The following RIN3 variants were observed in gnomAD, a reference collection of about 807,000 sequenced individuals.
The protein encoded by RIN3 is Ras and Rab interactor 3, also known as RAB5 interacting protein 3.
RIN3 carries 54 observed loss-of-function variants against 76.3 expected under a neutral mutation model. The observed-to-expected ratio is 0.71, with a 90% CI of 0.57 to 0.89. The LOEUF (loss-of-function observed/expected upper bound fraction) is 0.89, where lower values mean the gene tolerates loss of function less well. Among genes scored for constraint, RIN3 ranks in the 40% least tolerant of loss-of-function variants. The probability of loss-of-function intolerance (pLI) is 0.00; values close to 1 mark genes in which losing one functional copy is unlikely to be tolerated. For missense variants in RIN3, 1,256 were observed against 1,322.1 expected (o/e 0.95, Z 0.78); for synonymous variants, 576 against 564.0 (o/e 1.02, Z -0.30).
chr14:92,547,027 A>ATTATT lies in RIN3; in HGVS notation c.45-8708_45-8704dup, dbSNP rs928771312. On this transcript the variant is annotated intron_variant, in intron 1 of 9. Coordinates refer to ENST00000216487, the MANE Select transcript of RIN3 (RefSeq NM_024832.5). ...ATTTTATTTTATTATTAATATAATT[A>ATTATT]TTATTTTATTTTATTTTATTATAAT... is the stretch of plus-strand genomic sequence containing the variant. 1.6e-4 allele frequency among the ~76,000 whole-genome samples: 23 copies of ATTATT among 141,246 alleles called. 6 individuals are homozygous for ATTATT. Among genetic ancestry groups the ATTATT allele is most frequent in the Middle Eastern group, 3.9e-3 (1 of 256 alleles). The allele number at this position is 141,246 out of a possible 152,430, so 92.7% of individuals were successfully genotyped here. A position where few individuals can be genotyped will look rare whatever the true frequency, so the allele number is the denominator to read the frequency against.
chr14:92,642,451 G>A lies in RIN3; in HGVS notation c.532+1122G>A, dbSNP rs570046809. Among the ~76,000 whole-genome samples the A allele has an allele frequency of 1.1e-4, 17 of 152,178 alleles. 1 individual carries two copies. The highest frequency in any genetic ancestry group is 6.8e-3 in the Middle Eastern group (2 of 294). On this transcript the variant is annotated intron_variant, in intron 5 of 9. Transcript: ENST00000216487. ...TGTTTCACGCAGCTGCTCAGGAGCC[G>A]TTGTAGGCCCCAGAGCCTCATAACC... is the stretch of plus-strand genomic sequence containing the variant.
chr14:92,586,970 A>G (rs1174295391), intron 3 of RIN3, among the ~76,000 whole-genome samples: 1 of 152,230 alleles, frequency 6.6e-6, no homozygotes, highest in African/African-American at 2.4e-5. Flanking sequence ...ATCAGGGCTC[A>G]GAGGCAGGAA....
intron 2 of RIN3, 90 bp from the exon 3 acceptor site, chr14:92,577,270 C>A: frequency 1.2e-6 from 1 of 816,484 alleles, no homozygotes; most frequent in South Asian, 1.5e-5. Context: ...ATTTCAGGAA[C>A]CTTCCAGATG....
At chr14:92,597,451 G>A (rs1447592284) in intron 3 of RIN3, among the ~76,000 whole-genome samples, 1 of 152,190 alleles carries the variant, frequency 6.6e-6, no homozygotes, top group East Asian at 1.9e-4. Flanking sequence ...TTTCTTTGAG[G>A]AACGCCAGTG....
chr14:92,547,096 TA>T (rs1897290098), intron 1 of RIN3, among the ~76,000 whole-genome samples: 1 of 94,848 alleles, frequency 1.1e-5, no homozygotes, highest in Non-Finnish European at 2.3e-5. Context: ...TATTATATTA[TA>T]ATTAAATAAA....
chr14:92,610,877 C>T (rs1232080052), intron 3 of RIN3, among the ~76,000 whole-genome samples: 2 of 152,170 alleles, frequency 1.3e-5, no homozygotes, highest in Non-Finnish European at 2.9e-5. Context: ...CACCACATTG[C>T]CTTGCATGTG....
rs1180650119 is a variant in RIN3 at position 92,651,907 on chromosome 14, G to A, written c.858G>A (p.Val286=). 11 of 1,439,610 alleles carry A rather than the reference G, an allele frequency of 7.6e-6. No homozygotes were observed. In the East Asian group the frequency reaches 3.0e-4, roughly 40 times the overall value. The allele number at this position is 1,439,610 out of a possible 1,614,324, so 89.2% of individuals were successfully genotyped here. A position where few individuals can be genotyped will look rare whatever the true frequency, so the allele number is the denominator to read the frequency against. The change falls in exon 6 of 10, where the codon GTG becomes GTA. Residue 286 remains valine, a synonymous_variant. Transcript: ENST00000216487. Reference sequence around the variant, plus strand: ...GCCGCCCACCACCCCCTCCCCCAGTGCTGCCCCTGCAGCCCTGCAGCCCAG... The same window carrying A: ...GCCGCCCACCACCCCCTCCCCCAGTACTGCCCCTGCAGCCCTGCAGCCCAG... ...APRRPPPPPP[V]LPLQPCSPAQ...
chr14:92,688,170 T>G lies in RIN3; in HGVS notation c.2876T>G (p.Val959Gly). Residue 959 changes from valine to glycine, a missense_variant, in exon 10 of 10, where the codon GTC (valine) becomes GGC (glycine). Coordinates refer to ENST00000216487, the MANE Select transcript of RIN3 (RefSeq NM_024832.5). ...RSEPKRDFHF[V>G]YRPLDGGGGG... ...GAGCCCAAGCGCGACTTCCACTTTGTCTACCGGCCCCTGGACGGTGGTGGC... is the reference window on the plus strand; with the variant it reads ...GAGCCCAAGCGCGACTTCCACTTTGGCTACCGGCCCCTGGACGGTGGTGGC... The G allele has an allele frequency of 6.2e-7, 1 of 1,606,472 alleles. No individual in the cohort carries two copies. The highest frequency in any genetic ancestry group is 8.5e-7 in the Non-Finnish European group (1 of 1,178,090).
At chr14:92,597,548 C>G (rs899317199) in intron 3 of RIN3, among the ~76,000 whole-genome samples, 1 of 152,176 alleles carries the variant, frequency 6.6e-6, no homozygotes, top group Non-Finnish European at 1.5e-5. Flanking sequence ...TGAACTTGGG[C>G]AAATTCCTGA....
intron 1 of RIN3, among the ~76,000 whole-genome samples, chr14:92,522,009 G>T (rs202013471): frequency 8.8e-6 from 1 of 113,118 alleles, no homozygotes; most frequent in Non-Finnish European, 1.8e-5. Flanking sequence ...CAAGTTGTGT[G>T]TGGGAGCCCT....
At chr14:92,516,343 G>A (rs1285155120) in intron 1 of RIN3, among the ~76,000 whole-genome samples, 3 of 152,154 alleles carry the variant, frequency 2.0e-5, no homozygotes, top group Non-Finnish European at 2.9e-5. Flanking sequence ...GGTCCTGCTG[G>A]AGCCCTGAAG....
At chr14:92,645,758 G>A (rs939214571) in intron 5 of RIN3, among the ~76,000 whole-genome samples, 3 of 152,054 alleles carry the variant, frequency 2.0e-5, no homozygotes, top group African/African-American at 7.2e-5. Context: ...GTTCAAGATT[G>A]GCCTGGACAA....
At chr14:92,638,257 G>A (rs1037793847) in intron 4 of RIN3, among the ~76,000 whole-genome samples, 3 of 152,206 alleles carry the variant, frequency 2.0e-5, no homozygotes, top group African/African-American at 4.8e-5. Flanking sequence ...CCCTCTATGC[G>A]TAAACTCAGA....
At chr14:92,670,517 G>A (rs2140162875) in intron 7 of RIN3, among the ~76,000 whole-genome samples, 1 of 152,306 alleles carries the variant, frequency 6.6e-6, no homozygotes, top group Middle Eastern at 3.4e-3. Context: ...GAAGGAGAGG[G>A]CAGCCCTAAC....
rs183873291 is a variant in RIN3, at chr14:92,530,519, T to C, written c.44+16543T>C. 8.5e-5 allele frequency among the ~76,000 whole-genome samples: 13 copies of C among 152,344 alleles called. No individual in the cohort carries two copies. In the East Asian group the frequency reaches 2.3e-3, roughly 27 times the overall value. ...CGAGTTTTTGTTGTTTTGTTTTGTT[T>C]ATCAGTTAATAGTCATAGCCCCCTG... On this transcript the variant is annotated intron_variant, in intron 1 of 9. Coordinates refer to ENST00000216487, the MANE Select transcript of RIN3 (RefSeq NM_024832.5).
At chr14:92,625,404 T>C (rs1180818674) in intron 4 of RIN3, among the ~76,000 whole-genome samples, 1 of 152,216 alleles carries the variant, frequency 6.6e-6, no homozygotes, top group Non-Finnish European at 1.5e-5. Context: ...TGCGGTAAAG[T>C]GATTCCTGTT....
intron 1 of RIN3, among the ~76,000 whole-genome samples, chr14:92,533,763 C>T (rs1011043506): frequency 2.6e-5 from 4 of 152,182 alleles, no homozygotes; most frequent in Admixed American, 2.0e-4. Context: ...AAATTGGGTA[C>T]AGCGTATACT....
At chr14:92,627,355 G>A (rs1225604794) in intron 4 of RIN3, among the ~76,000 whole-genome samples, 1 of 152,192 alleles carries the variant, frequency 6.6e-6, no homozygotes, top group Non-Finnish European at 1.5e-5. Context: ...CTTAGCATTG[G>A]CATGCAGGTA....
chr14:92,609,982 G>A (rs563396814), intron 3 of RIN3, among the ~76,000 whole-genome samples: 1 of 151,744 alleles, frequency 6.6e-6, no homozygotes, highest in African/African-American at 2.4e-5. Flanking sequence ...TTATTCAGAC[G>A]TGTTTATTTA....
Sources: gnomAD v4.1 joint callset for allele counts (sites outside exome capture counted in the v4.1 genomes callset) on GRCh38, gnomAD v4.1.1 for gene constraint, MANE v1.5 for transcripts, NCBI Gene and HGNC (gene_info 2026-07-23, HGNC 2026-07-21) for gene names.